Variants in RBFOX1 observed in about 807,000 individuals in gnomAD.
RBFOX1 encodes the protein RNA binding protein fox-1 homolog 1.
In RBFOX1, 8 loss-of-function variants were observed where a neutral mutation model predicts 57.7. That is an observed-to-expected ratio of 0.14 (90% CI 0.08 to 0.25). RBFOX1 has a LOEUF of 0.25. RBFOX1 is among the 10% of genes least tolerant of loss of function. RBFOX1 has a pLI of 1.00. For synonymous variants in RBFOX1, 326 were observed against 222.4 expected (o/e 1.47, Z -4.15); for missense variants, 611 against 548.5 (o/e 1.11, Z -1.14).
chr16:7,151,743 G>C (rs1281673662), intron 4 of RBFOX1, among the ~76,000 whole-genome samples: 2 of 151,998 alleles, frequency 1.3e-5, no homozygotes, highest in East Asian at 3.8e-4. Context: ...TTGTTTTCCT[G>C]CAACTAGACA....
intron 3 of RBFOX1, among the ~76,000 whole-genome samples, chr16:6,804,359 T>A (rs1391705964): frequency 1.3e-5 from 2 of 152,134 alleles, no homozygotes; most frequent in Non-Finnish European, 2.9e-5. Flanking sequence ...TCTTCCTTCA[T>A]GGAAGTTAAA....
chr16:7,296,957 C>A (rs539776803), intron 4 of RBFOX1, among the ~76,000 whole-genome samples: 1 of 152,180 alleles, frequency 6.6e-6, no homozygotes, highest in African/African-American at 2.4e-5. Flanking sequence ...AAGGTAAATG[C>A]AGACATCCTG....
chr16:6,161,312 C>T (rs78062200), intron 1 of RBFOX1, among the ~76,000 whole-genome samples: 2 of 151,766 alleles, frequency 1.3e-5, no homozygotes, highest in East Asian at 1.9e-4. Context: ...TCGCTTGAGC[C>T]TGGGAGGCAA....
At chr16:5,806,691 G>A (rs1189943478) in intron 3 of RBFOX1, among the ~76,000 whole-genome samples, 3 of 152,188 alleles carry the variant, frequency 2.0e-5, no homozygotes, top group Non-Finnish European at 4.4e-5. Context: ...TCTTTGCCAG[G>A]GACTGTCATC....
intron 4 of RBFOX1, among the ~76,000 whole-genome samples, chr16:7,155,567 G>T (rs1416403202): frequency 6.7e-6 from 1 of 149,446 alleles, no homozygotes; most frequent in Non-Finnish European, 1.5e-5. Flanking sequence ...CTGCCCTCCA[G>T]CTTGGGTAAC....
chr16:6,617,828 T>C (rs1324264650), intron 2 of RBFOX1, among the ~76,000 whole-genome samples: 1 of 152,146 alleles, frequency 6.6e-6, no homozygotes, highest in Non-Finnish European at 1.5e-5. Context: ...GATTAGAGAA[T>C]TCCTCCTTGA....
chr16:5,564,521 G>A (rs1248665361), intron 2 of RBFOX1, among the ~76,000 whole-genome samples: 2 of 152,076 alleles, frequency 1.3e-5, no homozygotes, highest in African/African-American at 2.4e-5. Context: ...CATAACACGT[G>A]TCAGGTGTGT....
At chr16:5,731,348 C>T (rs1351305660) in intron 3 of RBFOX1, among the ~76,000 whole-genome samples, 2 of 152,240 alleles carry the variant, frequency 1.3e-5, no homozygotes, top group Non-Finnish European at 2.9e-5. Flanking sequence ...TAATCACCAT[C>T]ATATTAATCA....
intron 4 of RBFOX1, among the ~76,000 whole-genome samples, chr16:7,186,996 A>G (rs1202468106): frequency 9.4e-5 from 3 of 31,836 alleles, no homozygotes; most frequent in Admixed American, 6.4e-4. Flanking sequence ...CACCTCCACA[A>G]AAAAAAAAAA....
intron 3 of RBFOX1, among the ~76,000 whole-genome samples, chr16:6,805,485 A>G (rs1206469054): frequency 5.9e-5 from 9 of 152,160 alleles, no homozygotes; most frequent in Non-Finnish European, 1.3e-4. Context: ...CATCCCCATA[A>G]CATGAGTTTA....
chr16:6,028,825 T>G (rs904242541), intron 1 of RBFOX1, among the ~76,000 whole-genome samples: 1 of 152,190 alleles, frequency 6.6e-6, no homozygotes, highest in African/African-American at 2.4e-5. Flanking sequence ...TGGGGCTATG[T>G]TGGAGTCAGA....
At chr16:7,108,710 C>G (rs1219619679) in intron 4 of RBFOX1, among the ~76,000 whole-genome samples, 3 of 152,160 alleles carry the variant, frequency 2.0e-5, no homozygotes, top group Non-Finnish European at 4.4e-5. Flanking sequence ...TGTCCATACT[C>G]TTTGATCCTC....
At chr16:6,413,918 G>C (rs113480739) in intron 2 of RBFOX1, among the ~76,000 whole-genome samples, 2,589 of 152,298 alleles carry the variant, frequency 0.017, 29 homozygotes, top group Middle Eastern at 0.031. Flanking sequence ...ATGGGGACCT[G>C]CATTTTAAAG....
chr16:6,344,591 G>T (rs768013061), intron 2 of RBFOX1, among the ~76,000 whole-genome samples: 6 of 149,536 alleles, frequency 4.0e-5, no homozygotes, highest in African/African-American at 1.5e-4. Flanking sequence ...TAGAGACGGC[G>T]TTTCAGCGTG....
At chr16:5,752,688 C>T (rs1230229367) in intron 3 of RBFOX1, among the ~76,000 whole-genome samples, 1 of 152,134 alleles carries the variant, frequency 6.6e-6, no homozygotes, top group Non-Finnish European at 1.5e-5. Context: ...AATAAGAGAA[C>T]CCTCTTAGGA....
At chr16:5,452,197 C>A (rs928801453) in intron 1 of RBFOX1, among the ~76,000 whole-genome samples, 2 of 149,424 alleles carry the variant, frequency 1.3e-5, no homozygotes, top group African/African-American at 4.9e-5. Context: ...CAGCTCACTG[C>A]AACCTCTGCT....
intron 4 of RBFOX1, among the ~76,000 whole-genome samples, chr16:7,502,183 G>C (rs1213972369): frequency 6.6e-6 from 1 of 151,974 alleles, no homozygotes; most frequent in African/African-American, 2.4e-5. Context: ...GTCTTTGCCT[G>C]TTGCAGTAAC....
intron 4 of RBFOX1, among the ~76,000 whole-genome samples, chr16:7,102,340 C>A (rs1385438479): frequency 5.3e-5 from 8 of 152,202 alleles, no homozygotes; most frequent in Admixed American, 1.3e-4. Flanking sequence ...GGATCTGATA[C>A]AGAGCCTAAG....
At chr16:6,019,023 C>G (rs903186385), upstream of RBFOX1, 23 of 902,176 alleles carry the variant, frequency 2.5e-5, no homozygotes, top group Non-Finnish European at 2.9e-5. This position sits in a 1 kb window ranked among gnomAD's most constrained non-coding sequence, Gnocchi z 4.2. Flanking sequence ...CCTCGCGCAC[C>G]AGATTATTTT....
Sources: allele counts gnomAD v4.1 joint callset (sites outside exome capture counted in the v4.1 genomes callset), GRCh38; gene constraint gnomAD v4.1.1; non-coding constraint Gnocchi (gnomAD v3.1); transcripts MANE v1.5; gene names NCBI Gene and HGNC (gene_info 2026-07-23, HGNC 2026-07-21).